MAGEA11: variants seen among roughly 807,000 people sequenced by gnomAD.
The protein encoded by MAGEA11 is melanoma-associated antigen 11.
A neutral mutation model predicts 8.4 loss-of-function variants in MAGEA11; 1 was observed. That is an observed-to-expected ratio of 0.12 (90% confidence interval 0.04 to 0.57). The LOEUF is 0.57. Among genes scored for constraint, MAGEA11 ranks in the 20% least tolerant of loss-of-function variants. MAGEA11 has a pLI of 0.91. For missense variants in MAGEA11, 209 were observed against 317.3 expected, an observed-to-expected ratio of 0.66 and a Z score of 2.59; for synonymous variants, 127 against 119.3, an observed-to-expected ratio of 1.06 and a Z score of -0.42.
At chrX:149,710,260 A>AAGT (rs1557361803), upstream of MAGEA11, among the ~76,000 whole-genome samples, 1 of 112,559 alleles carries the variant, frequency 8.9e-6, no homozygotes, top group African/African-American at 3.2e-5. Context: ...TTACTGAGGC[A>AAGT]ACTATACAAG....
rs2090425978 is a variant in MAGEA11, at chrX:149,716,158, C to T, written c.672C>T (p.Asp224=). Residue 224 remains aspartate (D), a synonymous_variant, in exon 5 of 5, where the codon GAC becomes GAT. Coordinates refer to ENST00000355220, the MANE Select transcript of MAGEA11 (RefSeq NM_005366.5). ...CCTTTTCCCAAGATATACTACATGACAAGATAATTGATTTGGTTCATTTAT... is the reference window on the plus strand; with the variant it reads ...CCTTTTCCCAAGATATACTACATGATAAGATAATTGATTTGGTTCATTTAT... The part of the protein sequence containing the change: ...PESFSQDILH[D]KIIDLVHLLL... 2 of 1,211,966 alleles carry T rather than the reference C, an allele frequency of 1.7e-6. No individual in the cohort carries two copies. Among genetic ancestry groups the T allele is most frequent in the Non-Finnish European group, 2.2e-6 (2 of 895,506 alleles).
At chrX:149,699,002 G>C (rs900695452) in intron 1 of MAGEA11, among the ~76,000 whole-genome samples, 3 of 111,495 alleles carry the variant, frequency 2.7e-5, no homozygotes, top group African/African-American at 6.5e-5. Flanking sequence ...TATTTATATA[G>C]TCTATCATTG....
chrX:149,699,245 C>T (rs1257312009), intron 1 of MAGEA11, among the ~76,000 whole-genome samples: 2 of 111,956 alleles, frequency 1.8e-5, no homozygotes, highest in African/African-American at 6.5e-5. Context: ...CAATTTCTCC[C>T]TCTTGTCTTT....
intron 1 of MAGEA11, among the ~76,000 whole-genome samples, chrX:149,700,054 C>T (rs782390894): frequency 5.3e-5 from 6 of 112,336 alleles, no homozygotes; most frequent in African/African-American, 1.9e-4. Flanking sequence ...GGACCCTCCC[C>T]CATGATCTGA....
chrX:149,695,761 G>T (rs985529027), intron 1 of MAGEA11, among the ~76,000 whole-genome samples: 2 of 112,330 alleles, frequency 1.8e-5, no homozygotes, highest in African/African-American at 6.5e-5. Flanking sequence ...CAAGGTGGTA[G>T]AGAAATTAGA....
At chrX:149,701,959 G>C (rs1264225930) in intron 1 of MAGEA11, among the ~76,000 whole-genome samples, 1 of 111,703 alleles carries the variant, frequency 9.0e-6, no homozygotes, top group Non-Finnish European at 1.9e-5. Flanking sequence ...ATGCTGTTTT[G>C]GTTACCGTAG....
At chrX:149,700,331 T>A (rs1416873701) in intron 1 of MAGEA11, among the ~76,000 whole-genome samples, 1 of 112,258 alleles carries the variant, frequency 8.9e-6, no homozygotes, top group Non-Finnish European at 1.9e-5. Flanking sequence ...CAATCAACAA[T>A]GCAAGCTAGT....
chrX:149,709,854 A>G (rs1391930425), upstream of MAGEA11, among the ~76,000 whole-genome samples: 1 of 112,182 alleles, frequency 8.9e-6, no homozygotes, highest in Admixed American at 9.5e-5. Context: ...ATTGATAGCA[A>G]ATATACTTAA....
At chrX:149,703,479 G>T (rs888858725) in intron 1 of MAGEA11, among the ~76,000 whole-genome samples, 2 of 111,425 alleles carry the variant, frequency 1.8e-5, no homozygotes, top group Admixed American at 9.6e-5. Context: ...TCACCTGGAG[G>T]ACTCTCCCTT....
At chrX:149,706,019 G>A (rs1437058827) in intron 1 of MAGEA11, among the ~76,000 whole-genome samples, 1 of 112,003 alleles carries the variant, frequency 8.9e-6, no homozygotes, top group Non-Finnish European at 1.9e-5. Context: ...AGTCTGCTCT[G>A]GAGTTCTTTC....
intron 1 of MAGEA11, among the ~76,000 whole-genome samples, chrX:149,699,337 G>A (rs1557360812): frequency 9.0e-6 from 1 of 111,480 alleles, no homozygotes; most frequent in Non-Finnish European, 1.9e-5. Flanking sequence ...CCCTTTTATG[G>A]GACTTTCTAA....
At chrX:149,696,634 A>G (rs1471433001) in intron 1 of MAGEA11, among the ~76,000 whole-genome samples, 1 of 110,597 alleles carries the variant, frequency 9.0e-6, no homozygotes, top group African/African-American at 3.3e-5. Context: ...CTCAGGATCC[A>G]AGCTGGTGGT....
upstream of MAGEA11, among the ~76,000 whole-genome samples, chrX:149,710,947 G>T (rs2090397538): frequency 8.9e-6 from 1 of 111,803 alleles, no homozygotes. Context: ...TGATTGGCGG[G>T]GAAGAGTGGC....
chrX:149,692,504 A>G (rs1557360225), intron 1 of MAGEA11, among the ~76,000 whole-genome samples: 1 of 111,399 alleles, frequency 9.0e-6, no homozygotes, highest in Non-Finnish European at 1.9e-5. Flanking sequence ...TTAGCTGGCC[A>G]ACTTTGGTAA....
At chrX:149,705,163 A>G (rs1361402269) in intron 1 of MAGEA11, among the ~76,000 whole-genome samples, 2 of 112,603 alleles carry the variant, frequency 1.8e-5, no homozygotes, top group African/African-American at 6.5e-5. Flanking sequence ...GGCACAGGGA[A>G]GAGCTGGTGA....
At chrX:149,696,384 A>C (rs991614788) in intron 1 of MAGEA11, among the ~76,000 whole-genome samples, 11 of 110,305 alleles carry the variant, frequency 1.0e-4, no homozygotes, top group Non-Finnish European at 1.5e-4. Flanking sequence ...GGCTTCTTAA[A>C]GATTCACTTA....
chrX:149,698,724 G>T (rs1413871250), intron 1 of MAGEA11, among the ~76,000 whole-genome samples: 1 of 111,255 alleles, frequency 9.0e-6, no homozygotes, highest in Non-Finnish European at 1.9e-5. Context: ...AGCTTTCTGG[G>T]TATTAAACTC....
upstream of MAGEA11, among the ~76,000 whole-genome samples, chrX:149,707,328 G>A (rs1321069988): frequency 1.6e-4 from 18 of 111,674 alleles, no homozygotes; most frequent in Non-Finnish European, 3.8e-5. Context: ...ATTCTAGTGA[G>A]GTAAAGGGTA....
At position 149,716,125 on chromosome X, in the gene MAGEA11, C is replaced by T; in HGVS notation, c.639C>T (p.Asp213=). 8.3e-7 allele frequency: 1 copy of T among 1,211,995 alleles called. No homozygotes were observed. The highest frequency in any genetic ancestry group is 1.1e-6 in the Non-Finnish European group (1 of 895,518). The part of the protein sequence containing the change: ...EGPSTSPDLI[D]PESFSQDILH... ...CAAGTACCTCGCCTGACCTGATAGA[C>T]CCTGAGTCCTTTTCCCAAGATATAC... is the stretch of plus-strand genomic sequence containing the variant. Residue 213 remains aspartate, a synonymous_variant, in exon 5 of 5, where the codon GAC becomes GAT. Coordinates refer to ENST00000355220, the MANE Select transcript of MAGEA11 (RefSeq NM_005366.5).
Sources: gnomAD v4.1 joint callset for allele counts (sites outside exome capture counted in the v4.1 genomes callset) on GRCh38, gnomAD v4.1.1 for gene constraint, MANE v1.5 for transcripts, NCBI Gene and HGNC (gene_info 2026-07-23, HGNC 2026-07-21) for gene names.